Variants in SLC2A12 observed in about 807,000 individuals in gnomAD.
SLC2A12 encodes solute carrier family 2, facilitated glucose transporter member 12.
A neutral mutation model predicts 41.8 loss-of-function variants in SLC2A12; 23 were observed. The observed-to-expected ratio is 0.55, with a 90% CI of 0.40 to 0.78. The LOEUF is 0.78. Ranked by LOEUF, SLC2A12 falls within the 30% of genes least tolerant of loss-of-function variation. The pLI, the probability that SLC2A12 is intolerant of heterozygous loss-of-function variation, is 0.00. For synonymous variants in SLC2A12, 295 were observed against 285.9 expected, an observed-to-expected ratio of 1.03 and a Z score of -0.32; for missense variants, 654 against 745.6, an observed-to-expected ratio of 0.88 and a Z score of 1.43.
At chr6:134,037,616 G>A (rs532895387) in intron 1 of SLC2A12, among the ~76,000 whole-genome samples, 3 of 152,194 alleles carry the variant, frequency 2.0e-5, no homozygotes, top group African/African-American at 7.2e-5. Context: ...GCATCCCAAA[G>A]TGGGATTACA....
chr6:134,040,058 G>GTTTTTTTTTTTT (rs11371413), intron 1 of SLC2A12, among the ~76,000 whole-genome samples: 2 of 139,326 alleles, frequency 1.4e-5, no homozygotes, highest in Non-Finnish European at 1.5e-5. Flanking sequence ...GTTGTTTTTT[G>GTTTTTTTTTTTT]TTTTTTTTTT....
At chr6:134,009,136 A>C (rs2627239) in intron 2 of SLC2A12, 35,012 of 152,144 alleles carry the variant, frequency 0.23, 4,073 homozygotes, top group South Asian at 0.31. Context: ...GGACAGTTGC[A>C]CAAAACACCA....
At chr6:134,031,394 AAAAAAAC>A (rs990114261) in intron 1 of SLC2A12, among the ~76,000 whole-genome samples, 28 of 145,926 alleles carry the variant, frequency 1.9e-4, no homozygotes, top group African/African-American at 6.2e-4. Context: ...TCCATCTCAC[AAAAAAAC>A]AAAAAACAAA....
intron 1 of SLC2A12, among the ~76,000 whole-genome samples, chr6:134,032,447 T>TATATATATATATATATATATAA (rs1162366373): frequency 9.0e-5 from 3 of 33,472 alleles, no homozygotes; most frequent in African/African-American, 3.8e-4. Flanking sequence ...TATATATATA[T>TATATATATATATATATATATAA]AAATATATAT....
At chr6:134,034,273 G>A (rs1466802414) in intron 1 of SLC2A12, among the ~76,000 whole-genome samples, 3 of 152,128 alleles carry the variant, frequency 2.0e-5, no homozygotes, top group East Asian at 1.9e-4. Flanking sequence ...GGAGTTATAT[G>A]TTACAGAATT....
rs55702666 is a variant in SLC2A12 at position 134,052,250 on chromosome 6, TACACACACACAC to T, written c.103+116_103+127del. On this transcript the variant is annotated intron_variant, in intron 1 of 4. Transcript: ENST00000275230. ...GCGCGCCCACATGCGCGCGCGCGCATACACACACACACACACACACACACACACACACACACA... is the reference window on the plus strand; with the variant it reads ...GCGCGCCCACATGCGCGCGCGCGCATACACACACACACACACACACACACA... The T allele has an allele frequency of 1.0e-3, 377 of 371,404 alleles. 1 individual carries two copies. The highest frequency in any genetic ancestry group is 6.7e-3 in the African/African-American group (263 of 39,134). The allele number at this position is 371,404 out of a possible 1,614,324, so 23.0% of individuals were successfully genotyped here.
chr6:134,011,988 GC>G (rs1280639132), intron 2 of SLC2A12, among the ~76,000 whole-genome samples: 1 of 151,544 alleles, frequency 6.6e-6, no homozygotes, highest in African/African-American at 2.4e-5. Context: ...GTTGCAGTGA[GC>G]CGAGATCACA....
intron 4 of SLC2A12, among the ~76,000 whole-genome samples, chr6:133,994,000 T>C (rs183326600): frequency 7.1e-4 from 108 of 152,268 alleles, no homozygotes; most frequent in Admixed American, 4.8e-3. Flanking sequence ...TTCTGGCCAC[T>C]GTGTAGAGAA....
chr6:134,000,967 G>A (rs893639687), intron 4 of SLC2A12, among the ~76,000 whole-genome samples: 3 of 152,180 alleles, frequency 2.0e-5, no homozygotes, highest in Admixed American at 2.0e-4. Flanking sequence ...CTCTAAGTCT[G>A]ATAGAGATGG....
intron 2 of SLC2A12, among the ~76,000 whole-genome samples, chr6:134,008,560 G>C (rs1245728389): frequency 6.6e-6 from 1 of 152,154 alleles, no homozygotes; most frequent in Non-Finnish European, 1.5e-5. Flanking sequence ...GATTCTTGCA[G>C]ATTATATCGT....
rs79070716 is a variant in SLC2A12 at position 134,051,766 on chromosome 6, G to A, written c.103+612C>T. On this transcript the variant is annotated intron_variant, in intron 1 of 4. Transcript: ENST00000275230. ...AGTTTGCAAGGCCAGTTTTAAAGAA[G>A]GCAGAACCCAGCAAAGCAAGCGTTT... 8.5e-5 allele frequency among the ~76,000 whole-genome samples: 13 copies of A among 152,284 alleles called. No homozygotes were observed. In the East Asian group the frequency reaches 2.5e-3, roughly 29 times the overall value.
chr6:133,994,688 C>G (rs1164736909), intron 4 of SLC2A12, among the ~76,000 whole-genome samples: 3 of 152,108 alleles, frequency 2.0e-5, no homozygotes. Context: ...AGATGGCACT[C>G]CAACCTGGGC....
At chr6:134,000,660 A>G (rs971518196) in intron 4 of SLC2A12, among the ~76,000 whole-genome samples, 2 of 152,178 alleles carry the variant, frequency 1.3e-5, no homozygotes, top group African/African-American at 4.8e-5. Context: ...CTTAGCCCCT[A>G]TGTCTCACCT....
At chr6:134,031,146 C>T (rs1028320699) in intron 1 of SLC2A12, among the ~76,000 whole-genome samples, 7 of 152,144 alleles carry the variant, frequency 4.6e-5, no homozygotes, top group Non-Finnish European at 8.8e-5. Context: ...AATCCCAGCA[C>T]TTTGGGAGGC....
chr6:134,049,838 G>T (rs746548614), intron 1 of SLC2A12, among the ~76,000 whole-genome samples: 1 of 152,118 alleles, frequency 6.6e-6, no homozygotes. Context: ...CAGACCTTAG[G>T]GGGTTGGTTT....
chr6:134,004,534 A>G (rs556934579), intron 3 of SLC2A12, among the ~76,000 whole-genome samples: 6 of 152,332 alleles, frequency 3.9e-5, no homozygotes, highest in African/African-American at 1.4e-4. Context: ...ATCTATAAAG[A>G]CAATATATAT....
Position 134,038,603 on chromosome 6 carries a change from A to G in SLC2A12, c.104-8882T>C, listed in dbSNP as rs1470007886. Among the ~76,000 whole-genome samples, 3 of 145,930 alleles carry G rather than the reference A, an allele frequency of 2.1e-5. No individual in the cohort carries two copies. In the East Asian group the frequency reaches 6.0e-4, roughly 29 times the overall value. ...TTGCACACCTGGCCTCAAGTGATCCACCTGCTTCTGGCCTCCCAAAGTGCT... is the reference window on the plus strand; with the variant it reads ...TTGCACACCTGGCCTCAAGTGATCCGCCTGCTTCTGGCCTCCCAAAGTGCT... On this transcript the variant is annotated intron_variant, in intron 1 of 4. Transcript: ENST00000275230.
At chr6:134,001,067 G>A (rs145828645) in intron 4 of SLC2A12, among the ~76,000 whole-genome samples, 53 of 151,692 alleles carry the variant, frequency 3.5e-4, no homozygotes, top group African/African-American at 1.2e-3. Flanking sequence ...AAGAAAACCT[G>A]TTGGGGGGAG....
chr6:134,049,082 G>C (rs1297587276), intron 1 of SLC2A12, among the ~76,000 whole-genome samples: 1 of 152,100 alleles, frequency 6.6e-6, no homozygotes, highest in Admixed American at 6.6e-5. Flanking sequence ...CTTCCATTTA[G>C]GAAAAAGGAG....
Sources: gnomAD v4.1 joint callset for allele counts (sites outside exome capture counted in the v4.1 genomes callset) on GRCh38, gnomAD v4.1.1 for gene constraint, MANE v1.5 for transcripts, NCBI Gene and HGNC (gene_info 2026-07-23, HGNC 2026-07-21) for gene names.